GAS2: variants seen among roughly 807,000 people sequenced by gnomAD.
GAS2 encodes the protein growth arrest specific 2, also known as growth arrest-specific protein 2.
Under a neutral mutation model 37.5 loss-of-function variants are expected in GAS2, and 20 were observed. That is an observed-to-expected ratio of 0.53 (90% CI 0.37 to 0.77). The LOEUF (loss-of-function observed/expected upper bound fraction) is 0.77, where lower values mean the gene tolerates loss of function less well. GAS2 is among the 30% of genes least tolerant of loss of function. The pLI, the probability that GAS2 is intolerant of heterozygous loss-of-function variation, is 0.00. For missense variants in GAS2, 336 were observed against 373.4 expected (o/e 0.90, Z 0.82); for synonymous variants, 144 against 132.2 (o/e 1.09, Z -0.61).
intron 7 of GAS2, among the ~76,000 whole-genome samples, chr11:22,787,371 T>A (rs1855865728): frequency 6.6e-6 from 1 of 152,128 alleles, no homozygotes; most frequent in Admixed American, 6.6e-5. Context: ...AAAGTAATGT[T>A]GTTCCTATTA....
intron 1 of GAS2, among the ~76,000 whole-genome samples, chr11:22,653,246 A>G (rs1848817271): frequency 6.6e-6 from 1 of 152,086 alleles, no homozygotes; most frequent in African/African-American, 2.4e-5. Context: ...ATTCTCACAT[A>G]TAAGTACTCA....
intron 5 of GAS2, among the ~76,000 whole-genome samples, chr11:22,741,730 A>C (rs993420828): frequency 1.3e-4 from 20 of 152,206 alleles, no homozygotes; most frequent in African/African-American, 4.8e-4. Flanking sequence ...CTAACTGCTG[A>C]GAACATCATA....
At position 22,682,247 on chromosome 11, in the gene GAS2, A is replaced by G. The variant is rs182662442; in HGVS notation, c.146-3421A>G. 4.1e-4 allele frequency among the ~76,000 whole-genome samples: 63 copies of G among 152,064 alleles called. 1 individual carries two copies. The highest frequency in any genetic ancestry group is 1.0e-3 in the South Asian group (5 of 4,820). ...TAAAAAGATATAATGTATAAAAAGTAAAAATCATACTTTTTGGTAAATTGT... is the reference window on the plus strand; with the variant it reads ...TAAAAAGATATAATGTATAAAAAGTGAAAATCATACTTTTTGGTAAATTGT... On this transcript the variant is annotated intron_variant, in intron 2 of 7. Transcript: ENST00000454584.
At chr11:22,638,617 A>T (rs1455916954) in intron 1 of GAS2, among the ~76,000 whole-genome samples, 1 of 152,124 alleles carries the variant, frequency 6.6e-6, no homozygotes, top group Non-Finnish European at 1.5e-5. Flanking sequence ...AAGTGCTGGG[A>T]TTACAGGCAT....
At chr11:22,679,165 T>A (rs1849563932) in intron 2 of GAS2, among the ~76,000 whole-genome samples, 3 of 152,052 alleles carry the variant, frequency 2.0e-5, no homozygotes, top group African/African-American at 7.2e-5. Context: ...CTCTTTGCAG[T>A]CCTATTAGGT....
chr11:22,669,446 T>G (rs572933065), intron 1 of GAS2, among the ~76,000 whole-genome samples: 5 of 152,300 alleles, frequency 3.3e-5, no homozygotes, highest in African/African-American at 1.2e-4. Flanking sequence ...CCATTCAGGT[T>G]TTTTTAAATC....
chr11:22,636,580 C>T (rs955613815), intron 1 of GAS2, among the ~76,000 whole-genome samples: 2 of 152,140 alleles, frequency 1.3e-5, no homozygotes, highest in African/African-American at 4.8e-5. Flanking sequence ...AATTTAGGAA[C>T]CCAGCCTTAA....
At chr11:22,726,186 A>G in intron 3 of GAS2, 106 bp from the exon 4 acceptor site, 2 of 1,115,918 alleles carry the variant, frequency 1.8e-6, no homozygotes, top group East Asian at 2.4e-5. Flanking sequence ...AAACCTACTT[A>G]TTGGCATGAG....
chr11:22,700,428 C>G (rs1489093202), intron 3 of GAS2, among the ~76,000 whole-genome samples: 1 of 152,096 alleles, frequency 6.6e-6, no homozygotes, highest in African/African-American at 2.4e-5. Flanking sequence ...AGGAGCAAAT[C>G]TGACTTTTCC....
At chr11:22,672,272 A>G (rs1185456800) in intron 1 of GAS2, among the ~76,000 whole-genome samples, 1 of 152,160 alleles carries the variant, frequency 6.6e-6, no homozygotes, top group African/African-American at 2.4e-5. Context: ...TATTGTTTTT[A>G]CTTAATGTTC....
At chr11:22,716,573 G>A (rs1250329457) in intron 3 of GAS2, among the ~76,000 whole-genome samples, 1 of 151,708 alleles carries the variant, frequency 6.6e-6, no homozygotes, top group Non-Finnish European at 1.5e-5. Flanking sequence ...CTGGGAGGAG[G>A]AGGTTGCAGT....
upstream of GAS2, among the ~76,000 whole-genome samples, chr11:22,665,200 C>T (rs939175099): frequency 5.9e-5 from 9 of 152,080 alleles, no homozygotes; most frequent in Admixed American, 5.2e-4. Flanking sequence ...ATATTCATAT[C>T]TGGGGAGAAA....
chr11:22,708,552 A>G (rs1391240100), intron 3 of GAS2, among the ~76,000 whole-genome samples: 1 of 152,192 alleles, frequency 6.6e-6, no homozygotes, highest in African/African-American at 2.4e-5. Context: ...AAAATCCAGC[A>G]TTCAAACTCA....
At chr11:22,655,235 C>T (rs1590577911) in intron 1 of GAS2, among the ~76,000 whole-genome samples, 1 of 152,136 alleles carries the variant, frequency 6.6e-6, no homozygotes, top group Non-Finnish European at 1.5e-5. Context: ...CAGAGGCATA[C>T]CTAACTTGCC....
chr11:22,790,211 T>G (rs1190037604), intron 7 of GAS2, among the ~76,000 whole-genome samples: 5 of 152,138 alleles, frequency 3.3e-5, no homozygotes, highest in Non-Finnish European at 7.4e-5. Context: ...GAGAGAAGGA[T>G]TCTAACATCC....
intron 7 of GAS2, among the ~76,000 whole-genome samples, chr11:22,810,041 AG>A (rs1857074316): frequency 6.6e-6 from 1 of 152,204 alleles, no homozygotes; most frequent in Admixed American, 6.5e-5. Flanking sequence ...GGTTCTGTCT[AG>A]GTCCTGCTGC....
chr11:22,781,746 T>A (rs1285509077), intron 7 of GAS2, among the ~76,000 whole-genome samples: 2 of 148,640 alleles, frequency 1.3e-5, no homozygotes, highest in Non-Finnish European at 2.9e-5. Flanking sequence ...CCAAAAAATA[T>A]TATATTTTTT....
At chr11:22,678,868 C>T (rs1849553043) in intron 2 of GAS2, among the ~76,000 whole-genome samples, 1 of 151,544 alleles carries the variant, frequency 6.6e-6, no homozygotes, top group Non-Finnish European at 1.5e-5. Flanking sequence ...ACTGTCATTT[C>T]CAGGAAATAT....
chr11:22,695,913 T>C (rs1198667671), intron 3 of GAS2, among the ~76,000 whole-genome samples: 1 of 152,178 alleles, frequency 6.6e-6, no homozygotes, highest in Non-Finnish European at 1.5e-5. Context: ...ATTCTTCCTA[T>C]GCAAATATTT....
Sources: allele counts gnomAD v4.1 joint callset (sites outside exome capture counted in the v4.1 genomes callset), GRCh38; gene constraint gnomAD v4.1.1; transcripts MANE v1.5; gene names NCBI Gene and HGNC (gene_info 2026-07-23, HGNC 2026-07-21).